MBOAT1: variants seen among roughly 807,000 people sequenced by gnomAD.
MBOAT1 encodes membrane bound glycerophospholipid O-acyltransferase 1.
Under a neutral mutation model 64.4 loss-of-function variants are expected in MBOAT1, and 67 were observed. The ratio of observed to expected loss-of-function variants is 1.04; its 90% confidence interval spans 0.85 to 1.27. The LOEUF (loss-of-function observed/expected upper bound fraction) is 1.27, where lower values mean the gene tolerates loss of function less well. Ranked by LOEUF, MBOAT1 falls within the 50% of genes most tolerant of loss-of-function variation. The probability of loss-of-function intolerance (pLI) is 0.00; values close to 1 mark genes in which losing one functional copy is unlikely to be tolerated. For missense variants in MBOAT1, 563 were observed against 604.6 expected (o/e 0.93, Z 0.72); for synonymous variants, 229 against 218.9 (o/e 1.05, Z -0.41).
intron 8 of MBOAT1, among the ~76,000 whole-genome samples, chr6:20,123,888 C>G (rs1280021298): frequency 2.6e-5 from 4 of 151,196 alleles, no homozygotes; most frequent in Non-Finnish European, 5.9e-5. Context: ...AACCCCATCT[C>G]TACTAAAAAT....
chr6:20,150,416 G>T lies in MBOAT1; in HGVS notation c.323+769C>A, dbSNP rs1209795842. 2.6e-5 allele frequency among the ~76,000 whole-genome samples: 4 copies of T among 151,970 alleles called. No individual in the cohort carries two copies. The East Asian group carries it at 5.8e-4, about 22-fold the overall frequency. ...TTCCACAGCTCCCTGCACCATCCCAGTTAACTTGTGAGCTTTTGTCACTAT... is the reference window on the plus strand; with the variant it reads ...TTCCACAGCTCCCTGCACCATCCCATTTAACTTGTGAGCTTTTGTCACTAT... On this transcript the variant is annotated intron_variant, in intron 3 of 12. Transcript: ENST00000324607.
chr6:20,177,718 G>A (rs960677808), intron 1 of MBOAT1, among the ~76,000 whole-genome samples: 44 of 148,820 alleles, frequency 3.0e-4, no homozygotes, highest in African/African-American at 1.0e-3. Flanking sequence ...AGCTTGCAGT[G>A]AGCCGAGATC....
intron 9 of MBOAT1, among the ~76,000 whole-genome samples, chr6:20,116,242 G>A (rs748925510): frequency 1.2e-4 from 18 of 151,940 alleles, no homozygotes; most frequent in African/African-American, 4.4e-4. Flanking sequence ...TGAGGCAGGC[G>A]AATTGCTTGA....
chr6:20,116,344 A>T (rs1216946714), intron 9 of MBOAT1, among the ~76,000 whole-genome samples: 2 of 152,134 alleles, frequency 1.3e-5, no homozygotes, highest in African/African-American at 4.8e-5. Flanking sequence ...AAAAAAAATA[A>T]AAATAAAAAT....
rs534251049 is a variant in MBOAT1, at chr6:20,106,728, G to C, written c.1361+2870C>G. 2.6e-5 allele frequency among the ~76,000 whole-genome samples: 4 copies of C among 152,258 alleles called. No homozygotes were observed. In the East Asian group the frequency reaches 5.8e-4, roughly 22 times the overall value. On this transcript the variant is annotated intron_variant, in intron 12 of 12. Transcript: ENST00000324607. ...TGAGCCACCGCGCCCGACCATCATAGAAACTTCTATTGGACAGAGCTGATC... is the reference window on the plus strand; with the variant it reads ...TGAGCCACCGCGCCCGACCATCATACAAACTTCTATTGGACAGAGCTGATC...
At position 20,172,528 on chromosome 6, in the gene MBOAT1, C is replaced by T. The variant is rs987811722; in HGVS notation, c.100-19759G>A. The stretch of plus-strand genomic sequence containing the variant: ...CTCCAAATCACAGGAGGGCCTACTG[C>T]CTTGCTTCCTCAACTCTTGCTCTTA... On this transcript the variant is annotated intron_variant, in intron 1 of 12. Transcript: ENST00000324607. 3.9e-5 allele frequency among the ~76,000 whole-genome samples: 6 copies of T among 152,314 alleles called. No individual in the cohort carries two copies. The East Asian group carries it at 9.6e-4, about 24-fold the overall frequency.
chr6:20,172,063 CAAGAAG>C (rs1475189355), intron 1 of MBOAT1, among the ~76,000 whole-genome samples: 1 of 151,460 alleles, frequency 6.6e-6, no homozygotes, highest in African/African-American at 2.4e-5. Context: ...CAAAAACAAA[CAAGAAG>C]AAGAAGAAAA....
Position 20,116,143 on chromosome 6 carries a change from C to T in MBOAT1, c.1012-791G>A, listed in dbSNP as rs539479301. On this transcript the variant is annotated intron_variant, in intron 9 of 12. Coordinates refer to ENST00000324607, the MANE Select transcript of MBOAT1 (RefSeq NM_001080480.3). ...GGTCAGGAGTTCAAGACCAGCCTGG[C>T]CAACATGGCGAAACCCAGTCTCTAC... 5.3e-3 allele frequency among the ~76,000 whole-genome samples: 801 copies of T among 152,166 alleles called. 7 individuals are homozygous for T. Among genetic ancestry groups the T allele is most frequent in the African/African-American group, 0.018 (753 of 41,524 alleles).
intron 1 of MBOAT1, among the ~76,000 whole-genome samples, chr6:20,164,362 A>T (rs1166153519): frequency 6.6e-6 from 1 of 152,068 alleles, no homozygotes; most frequent in Non-Finnish European, 1.5e-5. Context: ...TACTAATAAC[A>T]TCTACCCTAC....
chr6:20,128,517 A>C (rs1760724813), intron 6 of MBOAT1, among the ~76,000 whole-genome samples, 182 bp downstream of exon 6: 1 of 152,184 alleles, frequency 6.6e-6, no homozygotes, highest in African/African-American at 2.4e-5. Flanking sequence ...GTTATTCATC[A>C]CTTAATCACT....
chr6:20,130,293 T>C (rs1760780356), intron 5 of MBOAT1, among the ~76,000 whole-genome samples: 2 of 152,208 alleles, frequency 1.3e-5, no homozygotes. Flanking sequence ...AGGCAGTGCC[T>C]GAGTGAAGAA....
At chr6:20,208,226 T>C (rs1490486765) in intron 1 of MBOAT1, among the ~76,000 whole-genome samples, 1 of 151,686 alleles carries the variant, frequency 6.6e-6, no homozygotes, top group Non-Finnish European at 1.5e-5. Context: ...GGCAGGCGGA[T>C]CACAAGGTCA....
intron 1 of MBOAT1, among the ~76,000 whole-genome samples, chr6:20,204,697 G>T (rs1018900627): frequency 6.6e-6 from 1 of 152,116 alleles, no homozygotes; most frequent in Non-Finnish European, 1.5e-5. Flanking sequence ...AGGCTGGAGG[G>T]TATGAAAGAC....
chr6:20,143,597 C>T (rs903755803), intron 4 of MBOAT1, among the ~76,000 whole-genome samples: 1 of 152,124 alleles, frequency 6.6e-6, no homozygotes, highest in Non-Finnish European at 1.5e-5. Flanking sequence ...GACCTGGAGC[C>T]TCTCAGAAGG....
Position 20,109,498 on chromosome 6 carries a change from A to G in MBOAT1, c.1361+100T>C, listed in dbSNP as rs1048004293. ...TTCCCACACTGAAGCCCCAGTTAGA[A>G]GTGTTTAGGACTGCTTCATTCAATT... On this transcript the variant is annotated intron_variant, in intron 12 of 12. Transcript: ENST00000324607. The G allele has an allele frequency of 5.0e-6, 7 of 1,393,528 alleles. No homozygotes were observed. The African/African-American group carries it at 8.7e-5, about 17-fold the overall frequency. The allele number at this position is 1,393,528 out of a possible 1,614,324, so 86.3% of individuals were successfully genotyped here. A position where few individuals can be genotyped will look rare whatever the true frequency, so the allele number is the denominator to read the frequency against.
At chr6:20,168,990 T>C (rs538183116) in intron 1 of MBOAT1, among the ~76,000 whole-genome samples, 169 of 152,072 alleles carry the variant, frequency 1.1e-3, no homozygotes, top group South Asian at 2.7e-3. Context: ...CCAAGTAACA[T>C]CTTTTCCCAA....
At position 20,163,293 on chromosome 6, in the gene MBOAT1, C is replaced by A. The variant is rs145547009; in HGVS notation, c.100-10524G>T. 2.8e-4 allele frequency among the ~76,000 whole-genome samples: 42 copies of A among 152,310 alleles called. No individual in the cohort carries two copies. The East Asian group carries it at 7.7e-3, about 28-fold the overall frequency. On this transcript the variant is annotated intron_variant, in intron 1 of 12. Coordinates refer to ENST00000324607, the MANE Select transcript of MBOAT1 (RefSeq NM_001080480.3). Reference sequence around the variant, plus strand: ...AACCCTGTCCACAAGCACGCTGTTACTCCTCACCTCTGGAAAGAAAACATT... The same window carrying A: ...AACCCTGTCCACAAGCACGCTGTTAATCCTCACCTCTGGAAAGAAAACATT...
chr6:20,107,345 T>C (rs1332521289), intron 12 of MBOAT1, among the ~76,000 whole-genome samples: 1 of 152,110 alleles, frequency 6.6e-6, no homozygotes, highest in East Asian at 1.9e-4. Context: ...ACGGGGCTTT[T>C]CCAGGCTGTT....
intron 1 of MBOAT1, among the ~76,000 whole-genome samples, chr6:20,187,710 G>A (rs1170515130): frequency 6.6e-6 from 1 of 152,226 alleles, no homozygotes; most frequent in Non-Finnish European, 1.5e-5. Flanking sequence ...GTAAAGAAGG[G>A]AAGGAGACTG....
Sources: allele counts gnomAD v4.1 joint callset (sites outside exome capture counted in the v4.1 genomes callset), GRCh38; gene constraint gnomAD v4.1.1; transcripts MANE v1.5; gene names NCBI Gene and HGNC (gene_info 2026-07-23, HGNC 2026-07-21).